Variants in SMYD3 observed in about 807,000 individuals in gnomAD.
The protein encoded by SMYD3 is histone-lysine N-methyltransferase SMYD3.
A neutral mutation model predicts 57.7 loss-of-function variants in SMYD3; 36 were observed. The ratio of observed to expected loss-of-function variants is 0.62; its 90% CI spans 0.48 to 0.82. The LOEUF is 0.82. Ranked by LOEUF, SMYD3 falls within the 40% of genes least tolerant of loss-of-function variation. The pLI is 0.00. For synonymous variants in SMYD3, 211 were observed against 195.0 expected (o/e 1.08, Z -0.68); for missense variants, 515 against 538.8 (o/e 0.96, Z 0.44).
At chr1:246,023,427 A>G (rs1218702882) in intron 5 of SMYD3, among the ~76,000 whole-genome samples, 1 of 152,238 alleles carries the variant, frequency 6.6e-6, no homozygotes, top group East Asian at 1.9e-4. Flanking sequence ...GAGAATATTA[A>G]ATGTCTGAAA....
At chr1:246,147,100 G>T (rs945103669) in intron 5 of SMYD3, among the ~76,000 whole-genome samples, 1 of 152,130 alleles carries the variant, frequency 6.6e-6, no homozygotes, top group African/African-American at 2.4e-5. Context: ...ACACCATTTT[G>T]CTTCCATCCG....
chr1:246,106,085 T>C lies in SMYD3; in HGVS notation c.532-176148A>G, dbSNP rs183897034. Among the ~76,000 whole-genome samples, 301 of 152,340 alleles carry C rather than the reference T, an allele frequency of 2.0e-3. 4 individuals carry two copies. The highest frequency in any genetic ancestry group is 6.8e-3 in the African/African-American group (284 of 41,580). On this transcript the variant is annotated intron_variant, in intron 5 of 11. Coordinates refer to ENST00000490107, the MANE Select transcript of SMYD3 (RefSeq NM_001167740.2). ...TTGCTTGACATGAGTTCAGAATCCC[T>C]GGAAACCTTCCTAATCCTACTCTCT... is the stretch of plus-strand genomic sequence containing the variant.
chr1:246,283,780 T>C (rs1318268392), intron 5 of SMYD3, among the ~76,000 whole-genome samples: 1 of 152,184 alleles, frequency 6.6e-6, no homozygotes, highest in East Asian at 1.9e-4. Flanking sequence ...CAGTATCTTT[T>C]AGAATTTCTG....
intron 5 of SMYD3, among the ~76,000 whole-genome samples, chr1:246,283,328 C>A (rs1248141102): frequency 6.6e-6 from 1 of 152,198 alleles, no homozygotes; most frequent in African/African-American, 2.4e-5. Flanking sequence ...CTATGTGTTT[C>A]ATGAGCATGA....
intron 5 of SMYD3, among the ~76,000 whole-genome samples, chr1:246,248,035 T>G (rs903548285): frequency 1.3e-5 from 2 of 152,136 alleles, no homozygotes; most frequent in African/African-American, 4.8e-5. Context: ...TTCATTCTAT[T>G]GATGTAAGGT....
At chr1:246,148,116 G>A (rs1012161816) in intron 5 of SMYD3, among the ~76,000 whole-genome samples, 18 of 152,162 alleles carry the variant, frequency 1.2e-4, no homozygotes, top group African/African-American at 4.3e-4. Context: ...GGGCCAGGAT[G>A]CCAGTCCGGG....
intron 10 of SMYD3, among the ~76,000 whole-genome samples, chr1:245,789,980 T>C (rs1383566383): frequency 1.3e-5 from 2 of 152,236 alleles, no homozygotes; most frequent in African/African-American, 4.8e-5. Flanking sequence ...GCACCCATTA[T>C]GGGCCAGACA....
At chr1:245,841,020 A>T (rs891126521) in intron 10 of SMYD3, among the ~76,000 whole-genome samples, 5 of 152,190 alleles carry the variant, frequency 3.3e-5, no homozygotes, top group African/African-American at 1.2e-4. Flanking sequence ...TAACTTTGGG[A>T]GATACTGTCA....
chr1:246,082,167 G>A (rs368514890), intron 5 of SMYD3, among the ~76,000 whole-genome samples: 35 of 152,206 alleles, frequency 2.3e-4, no homozygotes, highest in African/African-American at 6.3e-4. Flanking sequence ...GACCAGAGCC[G>A]CTTTTGTAAA....
intron 11 of SMYD3, among the ~76,000 whole-genome samples, chr1:245,751,607 A>AG (rs1287374427): frequency 6.1e-5 from 7 of 114,786 alleles, no homozygotes; most frequent in Admixed American, 8.2e-5. Context: ...AGAGAGAGAG[A>AG]AAGAGAGAGA....
intron 5 of SMYD3, among the ~76,000 whole-genome samples, chr1:246,186,292 G>A (rs113083224): frequency 2.7e-4 from 41 of 152,270 alleles, no homozygotes; most frequent in African/African-American, 9.9e-4. Context: ...GATGTAAAAT[G>A]TGCAAAACTA....
intron 5 of SMYD3, among the ~76,000 whole-genome samples, chr1:246,135,381 C>CA (rs1406703895): frequency 3.3e-5 from 5 of 152,084 alleles, no homozygotes; most frequent in African/African-American, 1.2e-4. Flanking sequence ...GAAGCTATCC[C>CA]AGTGTGCACA....
chr1:245,920,321 A>C (rs1171847645), intron 7 of SMYD3, among the ~76,000 whole-genome samples: 2 of 151,130 alleles, frequency 1.3e-5, no homozygotes, highest in Non-Finnish European at 3.0e-5. Flanking sequence ...TCAAAAAAAA[A>C]AAAAAAAAAA....
intron 5 of SMYD3, among the ~76,000 whole-genome samples, chr1:246,016,063 T>A (rs2059371057): frequency 6.6e-6 from 1 of 152,064 alleles, no homozygotes; most frequent in Non-Finnish European, 1.5e-5. Context: ...GCTAGGCTGA[T>A]CCCGTCAGTG....
intron 11 of SMYD3, among the ~76,000 whole-genome samples, chr1:245,762,852 A>T (rs1194145543): frequency 6.6e-6 from 1 of 152,062 alleles, no homozygotes; most frequent in African/African-American, 2.4e-5. Context: ...CGATCCTTCC[A>T]CCGTCACTCT....
intron 10 of SMYD3, among the ~76,000 whole-genome samples, chr1:245,766,834 C>T (rs1558315332): frequency 6.6e-6 from 1 of 152,182 alleles, no homozygotes; most frequent in Non-Finnish European, 1.5e-5. Flanking sequence ...TACGCCATGA[C>T]AGGTACCTGC....
At chr1:245,983,359 G>A (rs1455504958) in intron 5 of SMYD3, among the ~76,000 whole-genome samples, 1 of 152,182 alleles carries the variant, frequency 6.6e-6, no homozygotes, top group East Asian at 1.9e-4. Flanking sequence ...TCAAAATGCT[G>A]CTTCTTTATC....
intron 5 of SMYD3, among the ~76,000 whole-genome samples, chr1:246,247,480 TA>T (rs1558347021): frequency 1.5e-4 from 22 of 144,906 alleles, no homozygotes; most frequent in East Asian, 1.3e-3. Context: ...TATATATATA[TA>T]TATATTTTTT....
At chr1:245,814,845 C>T (rs1051322524) in intron 10 of SMYD3, among the ~76,000 whole-genome samples, 1 of 149,242 alleles carries the variant, frequency 6.7e-6, no homozygotes, top group African/African-American at 2.5e-5. Flanking sequence ...CACACACATG[C>T]ACGCACACAC....
Sources: allele counts gnomAD v4.1 joint callset (sites outside exome capture counted in the v4.1 genomes callset), GRCh38; gene constraint gnomAD v4.1.1; transcripts MANE v1.5; gene names NCBI Gene and HGNC (gene_info 2026-07-23, HGNC 2026-07-21).